ITGB3: variants seen among roughly 807,000 people sequenced by gnomAD.
ITGB3 encodes integrin beta-3.
Under a neutral mutation model 85.8 loss-of-function variants are expected in ITGB3, and 48 were observed. That is an observed-to-expected ratio of 0.56 (90% CI 0.44 to 0.71). ITGB3 has a LOEUF of 0.71. ITGB3 is among the 30% of genes least tolerant of loss of function. The probability of loss-of-function intolerance (pLI) is 0.00; values close to 1 mark genes in which losing one functional copy is unlikely to be tolerated. For synonymous variants in ITGB3, 363 were observed against 395.6 expected (o/e 0.92, Z 0.98); for missense variants, 861 against 1,019.1 (o/e 0.84, Z 2.11).
intron 1 of ITGB3, among the ~76,000 whole-genome samples, chr17:47,270,916 A>G (rs1055314162): frequency 2.0e-5 from 3 of 152,150 alleles, no homozygotes; most frequent in Non-Finnish European, 2.9e-5. Context: ...TACATGTTTT[A>G]TATTGGAATT....
At chr17:47,308,248 ATTAAATAAGCAT>A (rs1456917221) in intron 14 of ITGB3, among the ~76,000 whole-genome samples, 1 of 151,596 alleles carries the variant, frequency 6.6e-6, no homozygotes, top group African/African-American at 2.4e-5. Flanking sequence ...ATTTATTCCA[ATTAAATAAGCAT>A]TTACTGAGAA....
At chr17:47,277,313 G>C (rs925796406) in intron 2 of ITGB3, among the ~76,000 whole-genome samples, 4 of 152,180 alleles carry the variant, frequency 2.6e-5, no homozygotes, top group African/African-American at 9.7e-5. Context: ...GATGGATCCT[G>C]GGTCTGTTAC....
chr17:47,304,479 A>G (rs2065179694), intron 13 of ITGB3, among the ~76,000 whole-genome samples: 1 of 152,256 alleles, frequency 6.6e-6, no homozygotes, highest in Non-Finnish European at 1.5e-5. Context: ...TCACTCCCAG[A>G]TGGGGTTACC....
At chr17:47,279,566 C>T (rs1322404117) in intron 2 of ITGB3, 3 of 152,238 alleles carry the variant, frequency 2.0e-5, no homozygotes, top group Non-Finnish European at 2.9e-5. Flanking sequence ...AAACTCATAA[C>T]AAACCATTAG....
Position 47,253,960 on chromosome 17 carries a change from G to A in ITGB3, c.79+20G>A. The stretch of plus-strand genomic sequence containing the variant: ...TAGGAGGTGAGTGAGGCTCCGGCTC[G>A]GCAGCGTCGCAGCTGCCCCAGGATC... On this transcript the variant is annotated intron_variant, in intron 1 of 14. Transcript: ENST00000559488. 2 of 1,391,342 alleles carry A rather than the reference G, an allele frequency of 1.4e-6. No individual in the cohort carries two copies. The highest frequency in any genetic ancestry group is 1.5e-5 in the South Asian group (1 of 67,406). The allele number at this position is 1,391,342 out of a possible 1,614,324, so 86.2% of individuals were successfully genotyped here.
intron 2 of ITGB3, among the ~76,000 whole-genome samples, chr17:47,276,257 TCC>T (rs2065063667): frequency 6.6e-6 from 1 of 152,072 alleles, no homozygotes; most frequent in Non-Finnish European, 1.5e-5. Context: ...CTGCTCCCTA[TCC>T]CCCATTTTTC....
chr17:47,313,028 C>G lies in ITGB3; in HGVS notation c.*2824C>G, dbSNP rs1239900297. 6.6e-6 allele frequency among the ~76,000 whole-genome samples: 1 copy of G among 152,158 alleles called. No individual in the cohort carries two copies. The highest frequency in any genetic ancestry group is 1.5e-5 in the Non-Finnish European group (1 of 68,038). On this transcript the variant is annotated 3_prime_UTR_variant, in exon 15 of 15. Coordinates refer to ENST00000559488, the MANE Select transcript of ITGB3 (RefSeq NM_000212.3). ...CACTCTTGTTGCCCAAGCTGGAATG[C>G]AATGGCAAGATCTCAGTTCACTGCA...
At chr17:47,302,652 G>A in intron 12 of ITGB3, 69 bp from the exon 13 acceptor site, 6 of 1,584,476 alleles carry the variant, frequency 3.8e-6, no homozygotes, top group Non-Finnish European at 5.2e-6. Context: ...TCCTGTGATA[G>A]GGGTTTGGAG....
chr17:47,291,495 C>G (rs2065125484), intron 9 of ITGB3: 1 of 351,380 alleles, frequency 2.8e-6, no homozygotes. Context: ...ACACTCCAGT[C>G]TCTCCACGAC....
At chr17:47,297,675 C>A (rs540800674) in intron 10 of ITGB3, among the ~76,000 whole-genome samples, 28 of 151,382 alleles carry the variant, frequency 1.8e-4, no homozygotes, top group Non-Finnish European at 3.0e-4. Context: ...GAACTTGGCA[C>A]AAGCCCACAA....
rs2065131055 is a variant in ITGB3 at position 47,292,498 on chromosome 17, C to T, written c.1620C>T (p.Gly540=). 1.9e-6 allele frequency: 3 copies of T among 1,608,860 alleles called. No individual in the cohort carries two copies. The highest frequency in any genetic ancestry group is 2.5e-6 in the Non-Finnish European group (3 of 1,179,224). The part of the protein sequence containing the change: ...GQCVCHSSDF[G]KITGKYCECD... Reference sequence around the variant, plus strand: ...GTGTCTGCCACAGCAGTGACTTTGGCAAGATCACGGGCAAGTACTGCGAGT... The same window carrying T: ...GTGTCTGCCACAGCAGTGACTTTGGTAAGATCACGGGCAAGTACTGCGAGT... The change falls in exon 10 of 15, where the codon GGC becomes GGT. Residue 540 remains glycine (G), a synonymous_variant. Transcript: ENST00000559488.
chr17:47,271,112 T>A (rs966474122), intron 1 of ITGB3, among the ~76,000 whole-genome samples: 5 of 152,244 alleles, frequency 3.3e-5, no homozygotes, highest in African/African-American at 7.2e-5. Context: ...GGTGGCAGTG[T>A]TGTTAAGGCA....
Position 47,284,664 on chromosome 17 carries a change from C to T in ITGB3, c.583C>T (p.Pro195Ser). The part of the protein sequence containing the change: ...KPVSPYMYIS[P>S]PEALENPCYD... ...TGTGTCACCATACATGTATATCTCC[C>T]CACCAGAGGCCCTCGAAAACCCCTG... Residue 195 changes from proline (P) to serine (S), a missense_variant, in exon 4 of 15, where the codon CCA becomes TCA. Physicochemically the swap from Pro to Ser is moderately conservative, Grantham distance 74. Transcript: ENST00000559488. 6.2e-7 allele frequency: 1 copy of T among 1,614,168 alleles called. No homozygotes were observed. The highest frequency in any genetic ancestry group is 8.5e-7 in the Non-Finnish European group (1 of 1,180,036).
chr17:47,293,400 G>A (rs7214468), intron 10 of ITGB3, among the ~76,000 whole-genome samples: 61,090 of 151,918 alleles, frequency 0.4, 12,629 homozygotes, highest in East Asian at 0.58. Context: ...AGACATGTTG[G>A]CAACACTCTC....
intron 14 of ITGB3, 62 bp from the exon 15 acceptor site, chr17:47,310,077 C>A: frequency 7.1e-7 from 1 of 1,416,544 alleles, no homozygotes; most frequent in Non-Finnish European, 1.0e-6. Flanking sequence ...GAATTTTAAA[C>A]ATTCAGGGTA....
At chr17:47,292,850 C>T (rs1313973911) in intron 10 of ITGB3, among the ~76,000 whole-genome samples, 2 of 152,120 alleles carry the variant, frequency 1.3e-5, no homozygotes, top group East Asian at 3.8e-4. Flanking sequence ...ATCTTTGTAT[C>T]ACAAGAGACC....
chr17:47,299,430 G>A lies in ITGB3; in HGVS notation c.1813G>A (p.Gly605Ser), dbSNP rs144884023. 19 of 1,614,150 alleles carry A rather than the reference G, an allele frequency of 1.2e-5. No individual in the cohort carries two copies. The highest frequency in any genetic ancestry group is 2.7e-5 in the African/African-American group (2 of 74,954). ...CAATGGGCTGCTGTGCAGCGGCCGC[G>A]GCAAGTGTGAATGTGGCAGCTGTGT... is the stretch of plus-strand genomic sequence containing the variant. ...SSNGLLCSGR[G>S]KCECGSCVCI... The change falls in exon 11 of 15, where the codon GGC (glycine) becomes AGC (serine). Residue 605 changes from glycine (G) to serine (S), a missense_variant. Gly to Ser is a moderately conservative substitution (Grantham distance 56, BLOSUM62 0). Coordinates refer to ENST00000559488, the MANE Select transcript of ITGB3 (RefSeq NM_000212.3). This position sits in a 1 kb window ranked among gnomAD's most constrained non-coding sequence, Gnocchi z 5.1.
chr17:47,274,375 A>G, intron 1 of ITGB3, 44 bp from the exon 2 acceptor site: 1 of 1,577,882 alleles, frequency 6.3e-7, no homozygotes, highest in Non-Finnish European at 8.7e-7. Flanking sequence ...AAGTACCTTC[A>G]CTGAGCCAAA....
intron 10 of ITGB3, among the ~76,000 whole-genome samples, chr17:47,297,708 C>A (rs967940699): frequency 6.6e-6 from 1 of 151,384 alleles, no homozygotes; most frequent in Admixed American, 6.6e-5. Flanking sequence ...TAACAAGACT[C>A]CCATCTGTAC....
Sources: gnomAD v4.1 joint callset for allele counts (sites outside exome capture counted in the v4.1 genomes callset) on GRCh38, gnomAD v4.1.1 for gene constraint, Gnocchi (gnomAD v3.1) non-coding constraint, MANE v1.5 for transcripts, NCBI Gene and HGNC (gene_info 2026-07-23, HGNC 2026-07-21) for gene names.